Variants in CNTN3 observed in about 807,000 individuals in gnomAD.
The protein encoded by CNTN3 is contactin 3.
A neutral mutation model predicts 119.1 loss-of-function variants in CNTN3; 60 were observed. The observed-to-expected ratio is 0.50, with a 90% CI of 0.41 to 0.62. The LOEUF is 0.62. Ranked by LOEUF, CNTN3 falls within the 20% of genes least tolerant of loss-of-function variation. The pLI is 0.00. For missense variants in CNTN3, 1,101 were observed against 1,242.4 expected, an observed-to-expected ratio of 0.89 and a Z score of 1.71; for synonymous variants, 450 against 438.7, an observed-to-expected ratio of 1.03 and a Z score of -0.32.
At chr3:74,581,546 C>T (rs1387542390) in intron 1 of CNTN3, among the ~76,000 whole-genome samples, 1 of 152,150 alleles carries the variant, frequency 6.6e-6, no homozygotes, top group East Asian at 1.9e-4. Context: ...TGTCCATTCT[C>T]CCTAAATTGC....
chr3:74,442,146 T>TACACACAC (rs567314995), intron 4 of CNTN3, among the ~76,000 whole-genome samples: 2,401 of 123,830 alleles, frequency 0.019, 52 homozygotes, highest in African/African-American at 0.064. Flanking sequence ...TGCATGCAAG[T>TACACACAC]ACACACACAC....
At chr3:74,303,995 TAAAAG>T (rs1393692300) in intron 13 of CNTN3, among the ~76,000 whole-genome samples, 1 of 152,194 alleles carries the variant, frequency 6.6e-6, no homozygotes, top group Non-Finnish European at 1.5e-5. Flanking sequence ...TTATCTTAAT[TAAAAG>T]AAAAGTTTTA....
chr3:74,613,539 T>C, intron 1 of CNTN3, among the ~76,000 whole-genome samples: 1 of 152,152 alleles, frequency 6.6e-6, no homozygotes, highest in East Asian at 1.9e-4. Flanking sequence ...TATTAAATAA[T>C]ACCTCTGGAC....
At chr3:74,614,295 C>A (rs1179967084) in intron 1 of CNTN3, among the ~76,000 whole-genome samples, 96 bp downstream of exon 1, 1 of 152,126 alleles carries the variant, frequency 6.6e-6, no homozygotes, top group Non-Finnish European at 1.5e-5. Flanking sequence ...AACTTCGGGG[C>A]TGAGGAGCCA....
At chr3:74,320,541 A>T (rs1213694971) in intron 13 of CNTN3, among the ~76,000 whole-genome samples, 1 of 152,164 alleles carries the variant, frequency 6.6e-6, no homozygotes, top group Non-Finnish European at 1.5e-5. Flanking sequence ...CGTGGGAGGG[A>T]TAGCATTAGG....
intron 1 of CNTN3, among the ~76,000 whole-genome samples, chr3:74,543,477 A>C (rs1703870180): frequency 6.6e-6 from 1 of 152,190 alleles, no homozygotes; most frequent in Non-Finnish European, 1.5e-5. Context: ...TAGATCCAAA[A>C]TGGAGAAAGA....
intron 4 of CNTN3, among the ~76,000 whole-genome samples, chr3:74,448,586 C>A (rs1702090219): frequency 6.6e-6 from 1 of 152,048 alleles, no homozygotes; most frequent in Admixed American, 6.6e-5. Flanking sequence ...ATTTAGCTTG[C>A]CTACACACAC....
chr3:74,541,896 A>G (rs1703847926), intron 1 of CNTN3, among the ~76,000 whole-genome samples: 1 of 152,190 alleles, frequency 6.6e-6, no homozygotes, highest in African/African-American at 2.4e-5. Context: ...ATTGGTTTTC[A>G]ACTCTCACTG....
intron 4 of CNTN3, among the ~76,000 whole-genome samples, chr3:74,470,968 C>G (rs1022222820): frequency 1.3e-5 from 2 of 150,174 alleles, no homozygotes; most frequent in Non-Finnish European, 3.0e-5. Context: ...CCTCCGCCTC[C>G]CGGGTTCAAG....
chr3:74,272,558 T>C (rs1701798677), intron 20 of CNTN3, among the ~76,000 whole-genome samples: 1 of 152,190 alleles, frequency 6.6e-6, no homozygotes. Context: ...GAATGCACAT[T>C]GATAGGCTTG....
intron 4 of CNTN3, among the ~76,000 whole-genome samples, chr3:74,463,951 G>A (rs1327656783): frequency 6.6e-6 from 1 of 152,112 alleles, no homozygotes; most frequent in Non-Finnish European, 1.5e-5. Flanking sequence ...TATATTTAAT[G>A]CAGTTGAAAT....
chr3:74,448,818 AGTTTT>A (rs1702094667), intron 4 of CNTN3, among the ~76,000 whole-genome samples: 1 of 152,056 alleles, frequency 6.6e-6, no homozygotes, highest in Non-Finnish European at 1.5e-5. Flanking sequence ...TTTGAAAAAC[AGTTTT>A]TGTTTTCTCT....
intron 1 of CNTN3, among the ~76,000 whole-genome samples, chr3:74,593,166 T>C (rs1704733706): frequency 6.6e-6 from 1 of 152,010 alleles, no homozygotes; most frequent in Non-Finnish European, 1.5e-5. Flanking sequence ...GAACAATTTA[T>C]GACAAGAGTC....
intron 2 of CNTN3, among the ~76,000 whole-genome samples, chr3:74,515,080 A>T: frequency 6.6e-6 from 1 of 152,086 alleles, no homozygotes; most frequent in Non-Finnish European, 1.5e-5. Context: ...GTTTGAAAAG[A>T]ATAAACACTG....
chr3:74,440,149 T>C (rs754588891), intron 4 of CNTN3, among the ~76,000 whole-genome samples: 4 of 152,204 alleles, frequency 2.6e-5, no homozygotes, highest in Non-Finnish European at 5.9e-5. Context: ...TATTCTGTGG[T>C]GCATTTTTTG....
chr3:74,439,302 T>C (rs1177638326), intron 4 of CNTN3, among the ~76,000 whole-genome samples: 1 of 151,984 alleles, frequency 6.6e-6, no homozygotes, highest in Non-Finnish European at 1.5e-5. Flanking sequence ...AGGCCAGGAG[T>C]TCGAGACCAC....
chr3:74,401,040 T>C (rs766742330), intron 5 of CNTN3, among the ~76,000 whole-genome samples: 13 of 152,268 alleles, frequency 8.5e-5, no homozygotes, highest in African/African-American at 1.9e-4. Context: ...TTAATGCTTG[T>C]GTAAGAAGAG....
At chr3:74,273,349 G>A (rs1701818448) in intron 20 of CNTN3, among the ~76,000 whole-genome samples, 2 of 152,196 alleles carry the variant, frequency 1.3e-5, no homozygotes, top group Admixed American at 6.5e-5. Context: ...AGAGCAGTGT[G>A]TGGAGGCTTG....
rs924121144 is a variant in CNTN3 at position 74,344,497 on chromosome 3, C to G, written c.1365-7839G>C. On this transcript the variant is annotated intron_variant, in intron 11 of 22. Coordinates refer to ENST00000263665, the MANE Select transcript of CNTN3 (RefSeq NM_020872.3). ...CTGGAGTACAGTGGCGCGATCTGGG[C>G]TCACTGCAAGCTCCGCCTCCCGAGT... Among the ~76,000 whole-genome samples the G allele has an allele frequency of 2.2e-5, 3 of 138,032 alleles. No individual in the cohort carries two copies. In the East Asian group the frequency reaches 7.1e-4, roughly 33 times the overall value. 90.6% of individuals were successfully genotyped at this position (138,032 alleles called of 152,430 possible).
Sources: allele counts gnomAD v4.1 joint callset (sites outside exome capture counted in the v4.1 genomes callset), GRCh38; gene constraint gnomAD v4.1.1; transcripts MANE v1.5; gene names NCBI Gene and HGNC (gene_info 2026-07-23, HGNC 2026-07-21).